The following IFI44 variants were observed in gnomAD, a reference collection of about 807,000 sequenced individuals.
The protein encoded by IFI44 is interferon induced protein 44.
In IFI44, 42 loss-of-function variants were observed where a neutral mutation model predicts 45.0. The ratio of observed to expected loss-of-function variants is 0.93; its 90% CI spans 0.73 to 1.21. The LOEUF (loss-of-function observed/expected upper bound fraction) is 1.21, where lower values mean the gene tolerates loss of function less well. IFI44 is among the 50% of genes most tolerant of loss of function. The pLI, the probability that IFI44 is intolerant of heterozygous loss-of-function variation, is 0.00. For synonymous variants in IFI44, 221 were observed against 188.6 expected, an observed-to-expected ratio of 1.17 and a Z score of -1.41; for missense variants, 623 against 525.8, an observed-to-expected ratio of 1.18 and a Z score of -1.81.
chr1:78,662,752 G>A lies in IFI44; in HGVS notation c.1162G>A (p.Val388Met). The A allele has an allele frequency of 6.2e-7, 1 of 1,613,820 alleles. No individual in the cohort carries two copies. ...KLGFALSDIS[V>M]VSNYSSEWEL... ...TGGATTTGCTCTTTCTGACATCTCGGTGGTTAGCAATTATTCCTCTGAGTG... is the reference window on the plus strand; with the variant it reads ...TGGATTTGCTCTTTCTGACATCTCGATGGTTAGCAATTATTCCTCTGAGTG... The change falls in exon 8 of 9, where the codon GTG (valine) becomes ATG (methionine). Residue 388 changes from valine to methionine, a missense_variant. Transcript: ENST00000370747.
intron 8 of IFI44, chr1:78,663,402 T>A: frequency 3.0e-6 from 3 of 985,314 alleles, no homozygotes; most frequent in Middle Eastern, 5.2e-4. Context: ...GCCACCGCAT[T>A]TAGTATTACA....
At position 78,663,819 on chromosome 1, in the gene IFI44, A is replaced by C. The variant is rs1164828691; in HGVS notation, c.*8A>C. On this transcript the variant is annotated 3_prime_UTR_variant, in exon 9 of 9. Coordinates refer to ENST00000370747, the MANE Select transcript of IFI44 (RefSeq NM_006417.5). ...GCACAAGGAAAAAAATAGATATGTG[A>C]AAGGTTCACGTAAATTTCCTCACAT... 6.2e-7 allele frequency: 1 copy of C among 1,611,264 alleles called. No homozygotes were observed. The highest frequency in any genetic ancestry group is 1.1e-5 in the South Asian group (1 of 90,660).
chr1:78,655,228 A>G lies in IFI44; in HGVS notation c.690+19A>G. Reference sequence around the variant, plus strand: ...TGAGAAGGTAAGCACATTTGAGGCCACCTAGCCTTTGCTTCTCTGTTCAAA... The same window carrying G: ...TGAGAAGGTAAGCACATTTGAGGCCGCCTAGCCTTTGCTTCTCTGTTCAAA... On this transcript the variant is annotated intron_variant, in intron 4 of 8. Transcript: ENST00000370747. 1 of 1,605,262 alleles carries G rather than the reference A, an allele frequency of 6.2e-7. No homozygotes were observed. The highest frequency in any genetic ancestry group is 8.5e-7 in the Non-Finnish European group (1 of 1,175,390).
In IFI44 at chr1:78,655,080, A is replaced by G; in HGVS notation, c.561A>G (p.Ile187Met). Reference sequence around the variant, plus strand: ...CATATGGATCCCTGGTTCAACAAATACGAATTCTGCTGCTGGGTCCAATTG... The same window carrying G: ...CATATGGATCCCTGGTTCAACAAATGCGAATTCTGCTGCTGGGTCCAATTG... The part of the protein sequence containing the change: ...YEPYGSLVQQ[I>M]RILLLGPIGA... Residue 187 changes from isoleucine to methionine, a missense_variant, in exon 4 of 9, where the codon ATA (isoleucine) becomes ATG (methionine). Transcript: ENST00000370747. 6.2e-7 allele frequency: 1 copy of G among 1,613,850 alleles called. No individual in the cohort carries two copies. The highest frequency in any genetic ancestry group is 8.5e-7 in the Non-Finnish European group (1 of 1,179,850).
chr1:78,654,907 T>A, intron 3 of IFI44, 107 bp from the exon 4 acceptor site: 1 of 862,832 alleles, frequency 1.2e-6, no homozygotes, highest in Non-Finnish European at 1.7e-6. Context: ...GAAGTCAAGT[T>A]GCTAATCAAA....
At chr1:78,663,285 A>G (rs965120134) in intron 8 of IFI44, 3 of 985,030 alleles carry the variant, frequency 3.0e-6, no homozygotes, top group Non-Finnish European at 3.6e-6. Flanking sequence ...TTAGGACCTT[A>G]CACTCCTGTC....
In IFI44 at chr1:78,661,344, T is replaced by C. The variant is rs576580781; in HGVS notation, c.1113+690T>C. 5.3e-5 allele frequency among the ~76,000 whole-genome samples: 8 copies of C among 152,276 alleles called. No homozygotes were observed. The South Asian group carries it at 1.7e-3, about 32-fold the overall frequency. ...CCCCCAAAGTTCTGGGATTAAGGCA[T>C]GAGTCCCTATACCCAGCCATTTTTT... On this transcript the variant is annotated intron_variant, in intron 7 of 8. Coordinates refer to ENST00000370747, the MANE Select transcript of IFI44 (RefSeq NM_006417.5).
Position 78,659,573 on chromosome 1 carries a change from A to G in IFI44, c.1012+90A>G, listed in dbSNP as rs527961025. 6.1e-6 allele frequency: 6 copies of G among 987,336 alleles called. No homozygotes were observed. In the Admixed American group the frequency reaches 1.6e-4, roughly 27 times the overall value. The allele number at this position is 987,336 out of a possible 1,614,324, so 61.2% of individuals were successfully genotyped here. A position where few individuals can be genotyped will look rare whatever the true frequency, so the allele number is the denominator to read the frequency against. On this transcript the variant is annotated intron_variant, in intron 6 of 8. Coordinates refer to ENST00000370747, the MANE Select transcript of IFI44 (RefSeq NM_006417.5). ...GAATGCTTTTTGGACAGGATAAAGA[A>G]CTTAAGTCATTGCATATTTCAATCT...
intron 5 of IFI44, among the ~76,000 whole-genome samples, chr1:78,657,270 G>C (rs1287700445): frequency 6.6e-6 from 1 of 151,902 alleles, no homozygotes; most frequent in East Asian, 1.9e-4. Context: ...CTCTTTGATT[G>C]TATGTTCTGA....
chr1:78,662,232 T>C (rs1248693837), intron 7 of IFI44, among the ~76,000 whole-genome samples: 1 of 152,174 alleles, frequency 6.6e-6, no homozygotes, highest in Non-Finnish European at 1.5e-5. Context: ...GGTACTATCA[T>C]TACTGCATTT....
intron 5 of IFI44, among the ~76,000 whole-genome samples, chr1:78,657,431 T>C (rs956951214): frequency 6.6e-6 from 1 of 152,118 alleles, no homozygotes; most frequent in African/African-American, 2.4e-5. Context: ...TATTGAGAGT[T>C]GAAGCTAAAG....
At chr1:78,653,451 G>T (rs1647155399) in intron 2 of IFI44, among the ~76,000 whole-genome samples, 1 of 152,030 alleles carries the variant, frequency 6.6e-6, no homozygotes, top group Admixed American at 6.6e-5. Flanking sequence ...TTCTACTATT[G>T]GTAATTTATT....
chr1:78,649,892 A>G lies in IFI44; in HGVS notation c.-24A>G, dbSNP rs1007654482. On this transcript the variant is annotated 5_prime_UTR_variant, in exon 1 of 9. Transcript: ENST00000370747. ...TACCCTCAGCTCTAGCTGATACTAC[A>G]GACAGTACAACAGGTAAATGTCTTT... 1.5e-5 allele frequency: 3 copies of G among 206,688 alleles called. No individual in the cohort carries two copies. The highest frequency in any genetic ancestry group is 2.9e-5 in the Non-Finnish European group (3 of 102,594). The allele number at this position is 206,688 out of a possible 1,614,324, so 12.8% of individuals were successfully genotyped here.
At chr1:78,656,848 G>C (rs1027329930) in intron 5 of IFI44, among the ~76,000 whole-genome samples, 5 of 150,564 alleles carry the variant, frequency 3.3e-5, no homozygotes, top group African/African-American at 1.2e-4. Flanking sequence ...GAGTTATCTT[G>C]TAAATGCTGT....
intron 2 of IFI44, among the ~76,000 whole-genome samples, chr1:78,651,214 G>A (rs1368947974): frequency 6.6e-6 from 1 of 152,110 alleles, no homozygotes; most frequent in East Asian, 1.9e-4. Flanking sequence ...CTACTATGTT[G>A]TAATATACAA....
At chr1:78,661,476 T>C (rs189175531) in intron 7 of IFI44, among the ~76,000 whole-genome samples, 1 of 152,174 alleles carries the variant, frequency 6.6e-6, no homozygotes, top group African/African-American at 2.4e-5. Context: ...TTTATTACAA[T>C]TTAATTCAAC....
Position 78,650,394 on chromosome 1 carries a change from G to C in IFI44, c.199G>C (p.Glu67Gln). The C allele has an allele frequency of 6.2e-7, 1 of 1,614,070 alleles. No individual in the cohort carries two copies. The highest frequency in any genetic ancestry group is 8.5e-7 in the Non-Finnish European group (1 of 1,179,950). The change falls in exon 2 of 9, where the codon GAG (glutamate) becomes CAG (glutamine). Residue 67 changes from glutamate (E) to glutamine (Q), a missense_variant. Glu to Gln is a conservative substitution (Grantham distance 29). Transcript: ENST00000370747. ...TCATATTATTGGAGCATATGCAGAA[G>C]AGAGTTACCAGGAAGGAAAGTATGC... ...EDHIIGAYAE[E>Q]SYQEGKYASI...
rs750748960 is a variant in IFI44 at position 78,662,801 on chromosome 1, T to C, written c.1211T>C (p.Val404Ala). Reference sequence around the variant, plus strand: ...TGGGAGCTGGACCCTGTAAAGGATGTTCTAATTCTTTCTGCTCTGAGACGA... The same window carrying C: ...TGGGAGCTGGACCCTGTAAAGGATGCTCTAATTCTTTCTGCTCTGAGACGA... ...SEWELDPVKD[V>A]LILSALRRML... The change falls in exon 8 of 9, where the codon GTT (valine) becomes GCT (alanine). Residue 404 changes from valine (V) to alanine (A), a missense_variant. Physicochemically the swap from Val to Ala is moderately conservative, Grantham distance 64 (BLOSUM62 0). Transcript: ENST00000370747. 28 of 1,613,808 alleles carry C rather than the reference T, an allele frequency of 1.7e-5. No individual in the cohort carries two copies. Among genetic ancestry groups the C allele is most frequent in the Non-Finnish European group, 2.4e-5 (28 of 1,179,892 alleles).
chr1:78,655,665 C>A (rs139278936), intron 5 of IFI44, among the ~76,000 whole-genome samples, 154 bp downstream of exon 5: 3 of 152,108 alleles, frequency 2.0e-5, no homozygotes, highest in Non-Finnish European at 4.4e-5. Flanking sequence ...ATCTCGAGGG[C>A]TCTTCCATCA....
Sources: gnomAD v4.1 joint callset for allele counts (sites outside exome capture counted in the v4.1 genomes callset) on GRCh38, gnomAD v4.1.1 for gene constraint, MANE v1.5 for transcripts, NCBI Gene and HGNC (gene_info 2026-07-23, HGNC 2026-07-21) for gene names.